Variants in ERG observed in about 807,000 individuals in gnomAD.
The protein encoded by ERG is transcriptional regulator ERG.
In ERG, 9 loss-of-function variants were observed where a neutral mutation model predicts 55.3. That is an observed-to-expected ratio of 0.16 (90% CI 0.10 to 0.28). ERG has a LOEUF of 0.28. ERG is among the 10% of genes least tolerant of loss of function. The pLI is 1.00. For synonymous variants in ERG, 223 were observed against 237.3 expected, an observed-to-expected ratio of 0.94 and a Z score of 0.55; for missense variants, 434 against 631.6, an observed-to-expected ratio of 0.69 and a Z score of 3.35.
At chr21:38,492,852 C>G (rs2059348026) in intron 1 of ERG, among the ~76,000 whole-genome samples, 1 of 152,098 alleles carries the variant, frequency 6.6e-6, no homozygotes, top group Non-Finnish European at 1.5e-5. Flanking sequence ...CAGTGGACCA[C>G]TAGCCAAAAT....
intron 1 of ERG, among the ~76,000 whole-genome samples, chr21:38,656,029 G>A (rs568342361): frequency 6.6e-6 from 1 of 152,002 alleles, no homozygotes; most frequent in African/African-American, 2.4e-5. Context: ...CGCGCCCCCC[G>A]CCAACCCACA....
At chr21:38,400,360 G>A (rs968767018) in intron 6 of ERG, 2 of 668,226 alleles carry the variant, frequency 3.0e-6, no homozygotes, top group Admixed American at 2.0e-5. Context: ...CTAGTTAAAG[G>A]GCTAATCTGC....
At chr21:38,632,026 C>T (rs1039942798) in intron 1 of ERG, among the ~76,000 whole-genome samples, 18 of 152,210 alleles carry the variant, frequency 1.2e-4, no homozygotes, top group Admixed American at 7.8e-4. Context: ...CTTGAAGGAA[C>T]GGCATCTGAG....
At chr21:38,378,190 C>G (rs1247227933), downstream of ERG, among the ~76,000 whole-genome samples, 1 of 152,202 alleles carries the variant, frequency 6.6e-6, no homozygotes. Flanking sequence ...ATTTCAGACT[C>G]TCACCCCTGA....
At chr21:38,574,998 G>A (rs555909869) in intron 2 of ERG, among the ~76,000 whole-genome samples, 1 of 152,262 alleles carries the variant, frequency 6.6e-6, no homozygotes, top group Non-Finnish European at 1.5e-5. Context: ...ACATGTATGT[G>A]TAGTGTCAAA....
chr21:38,454,333 C>T (rs183347373), intron 1 of ERG, among the ~76,000 whole-genome samples: 130 of 152,240 alleles, frequency 8.5e-4, no homozygotes, highest in African/African-American at 3.0e-3. Flanking sequence ...TGGGCTCTGC[C>T]CTTGCTCTGG....
chr21:38,576,688 G>T (rs2059996606), intron 1 of ERG, among the ~76,000 whole-genome samples: 2 of 152,090 alleles, frequency 1.3e-5, no homozygotes, highest in Admixed American at 1.3e-4. Flanking sequence ...CTACAGATGG[G>T]CTCAGCAGGG....
rs1987385131 is a variant in ERG at position 38,380,668 on chromosome 21, G to A, written c.*2735C>T. The A allele has an allele frequency of 9.4e-7, 1 of 1,064,982 alleles. No individual in the cohort carries two copies. The highest frequency in any genetic ancestry group is 1.1e-6 in the Non-Finnish European group (1 of 879,110). The allele number at this position is 1,064,982 out of a possible 1,614,324, so 66.0% of individuals were successfully genotyped here. A position where few individuals can be genotyped will look rare whatever the true frequency, so the allele number is the denominator to read the frequency against. ...TTAATGCCATTTTGAAACAATTTAA[G>A]AATTATGTATTTGAAGGAACTCAGT... On this transcript the variant is annotated 3_prime_UTR_variant, in exon 10 of 10. Coordinates refer to ENST00000288319, the MANE Select transcript of ERG (RefSeq NM_182918.4).
intron 2 of ERG, among the ~76,000 whole-genome samples, chr21:38,443,103 G>C (rs568463392): frequency 6.6e-6 from 1 of 152,190 alleles, no homozygotes; most frequent in South Asian, 2.1e-4. Context: ...CACTGCGCCC[G>C]GCCAGAATGC....
chr21:38,618,556 G>C lies in ERG; in HGVS notation c.-149-33611C>G, dbSNP rs539014537. Among the ~76,000 whole-genome samples, 378 of 152,248 alleles carry C rather than the reference G, an allele frequency of 2.5e-3. 2 individuals are homozygous for C. Among genetic ancestry groups the C allele is most frequent in the Non-Finnish European group, 4.3e-3 (290 of 68,014 alleles). ...GCTCTCTCATTTGGCGGGGAGGTTG[G>C]GGGGGAACAACTTTAAAACAGAACT... On this transcript the variant is annotated intron_variant, in intron 1 of 10. Transcript: ENST00000398910.
chr21:38,390,513 T>C (rs1987922768), intron 9 of ERG, among the ~76,000 whole-genome samples: 1 of 152,148 alleles, frequency 6.6e-6, no homozygotes, highest in African/African-American at 2.4e-5. Context: ...ACCTGACCAA[T>C]GTCCTTATGC....
rs2059154554 is a variant in ERG at position 38,473,075 on chromosome 21, A to G, written c.18+25288T>C. On this transcript the variant is annotated intron_variant, in intron 1 of 9. Transcript: ENST00000288319. ...ACCAGTCCGCTGCCTTCTGAGACGT[A>G]GTTCTGAGGTGTAGCAAGTTTTCAT... Among the ~76,000 whole-genome samples the G allele has an allele frequency of 2.0e-5, 3 of 149,630 alleles. No homozygotes were observed. In the South Asian group the frequency reaches 6.3e-4, roughly 32 times the overall value.
At chr21:38,467,329 C>T (rs1428470216) in intron 1 of ERG, among the ~76,000 whole-genome samples, 1 of 78,022 alleles carries the variant, frequency 1.3e-5, no homozygotes. Flanking sequence ...CTCAAACAAA[C>T]CTCCCTCCTC....
At chr21:38,473,544 C>T (rs1038046426) in intron 1 of ERG, among the ~76,000 whole-genome samples, 5 of 151,986 alleles carry the variant, frequency 3.3e-5, no homozygotes, top group East Asian at 3.9e-4. Context: ...CCTCACTTCA[C>T]GTAGGGGAAA....
intron 2 of ERG, among the ~76,000 whole-genome samples, chr21:38,434,891 T>A (rs1042102792): frequency 6.6e-6 from 1 of 152,232 alleles, no homozygotes; most frequent in South Asian, 2.1e-4. Flanking sequence ...TGTTCATAAC[T>A]GTACCTCGGT....
chr21:38,388,393 G>C (rs917106219), intron 9 of ERG, among the ~76,000 whole-genome samples: 22 of 152,320 alleles, frequency 1.4e-4, no homozygotes, highest in African/African-American at 5.1e-4. Flanking sequence ...ACATCATCCT[G>C]TGCATTCATA....
intron 2 of ERG, among the ~76,000 whole-genome samples, chr21:38,508,006 C>CAGAAGCACACAA (rs2059479436): frequency 1.4e-5 from 1 of 70,250 alleles, no homozygotes; most frequent in East Asian, 4.0e-4. Context: ...CATGCACACA[C>CAGAAGCACACAA]ACAGAGACAC....
At chr21:38,583,968 C>T (rs147724334) in intron 1 of ERG, among the ~76,000 whole-genome samples, 81 of 152,348 alleles carry the variant, frequency 5.3e-4, no homozygotes, top group African/African-American at 1.9e-3. Flanking sequence ...GAAAGGAAAT[C>T]ACCTCTATGG....
intron 2 of ERG, among the ~76,000 whole-genome samples, chr21:38,433,750 C>T (rs1476821146): frequency 1.3e-5 from 2 of 152,160 alleles, no homozygotes; most frequent in South Asian, 2.1e-4. Context: ...CTGATTCACC[C>T]TCACTTCAGA....
Sources: gnomAD v4.1 joint callset for allele counts (sites outside exome capture counted in the v4.1 genomes callset) on GRCh38, gnomAD v4.1.1 for gene constraint, MANE v1.5 for transcripts, NCBI Gene and HGNC (gene_info 2026-07-23, HGNC 2026-07-21) for gene names.